Variants in TRAF3IP1 observed in about 807,000 individuals in gnomAD.
The protein encoded by TRAF3IP1 is TRAF3-interacting protein 1.
A neutral mutation model predicts 89.9 loss-of-function variants in TRAF3IP1; 53 were observed. The observed-to-expected ratio is 0.59, with a 90% confidence interval of 0.47 to 0.74. The LOEUF (loss-of-function observed/expected upper bound fraction) is 0.74, where lower values mean the gene tolerates loss of function less well. TRAF3IP1 is among the 30% of genes least tolerant of loss of function. The pLI is 0.00. For synonymous variants in TRAF3IP1, 311 were observed against 322.1 expected (o/e 0.97, Z 0.37); for missense variants, 806 against 866.1 (o/e 0.93, Z 0.87).
intron 3 of TRAF3IP1, among the ~76,000 whole-genome samples, chr2:238,327,660 C>G (rs6714098): frequency 0.12 from 17,731 of 152,076 alleles, 1,753 homozygotes; most frequent in African/African-American, 0.27. Context: ...ATTCATTCAT[C>G]TGCAGCCATC....
chr2:238,365,587 G>A (rs553096012), intron 15 of TRAF3IP1, among the ~76,000 whole-genome samples: 7 of 152,258 alleles, frequency 4.6e-5, no homozygotes, highest in African/African-American at 1.7e-4. Context: ...GAGCCCACAA[G>A]TTTGAGGCCG....
chr2:238,377,622 A>G (rs770726825), intron 15 of TRAF3IP1, among the ~76,000 whole-genome samples: 11 of 151,916 alleles, frequency 7.2e-5, no homozygotes, highest in Non-Finnish European at 1.6e-4. Flanking sequence ...GCTAATTAGT[A>G]TTTTTCCATT....
In TRAF3IP1 at chr2:238,400,424, T is replaced by C. The variant is rs755273920; in HGVS notation, c.*1505T>C. ...TTGTTTCTTTAAGGATTAGCACAAA[T>C]GGCACCGTTGGGTTTTTCTTCATAC... On this transcript the variant is annotated 3_prime_UTR_variant, in exon 17 of 17. Transcript: ENST00000373327. 1 of 152,196 alleles carries C rather than the reference T, an allele frequency of 6.6e-6. No homozygotes were observed. Among genetic ancestry groups the C allele is most frequent in the South Asian group, 2.1e-4 (1 of 4,830 alleles). 9.4% of individuals were successfully genotyped at this position (152,196 alleles called of 1,614,324 possible).
intron 1 of TRAF3IP1, among the ~76,000 whole-genome samples, chr2:238,324,216 C>CA (rs1697699024): frequency 1.3e-5 from 2 of 152,078 alleles, no homozygotes; most frequent in Admixed American, 1.3e-4. Flanking sequence ...TACAGACGCC[C>CA]ACCACCATGC....
intron 3 of TRAF3IP1, 56 bp downstream of exon 3, chr2:238,326,026 C>A: frequency 6.4e-7 from 1 of 1,554,988 alleles, no homozygotes. Flanking sequence ...AAAAAGTAGT[C>A]GGGGGTGAGG....
At chr2:238,325,192 C>A in intron 1 of TRAF3IP1, 114 bp from the exon 2 acceptor site, 1 of 1,035,782 alleles carries the variant, frequency 9.7e-7, no homozygotes, top group South Asian at 1.3e-5. Flanking sequence ...GTGGATGATT[C>A]AAATCTGGGC....
At chr2:238,367,553 G>A (rs1699935200) in intron 15 of TRAF3IP1, among the ~76,000 whole-genome samples, 1 of 152,224 alleles carries the variant, frequency 6.6e-6, no homozygotes, top group African/African-American at 2.4e-5. Flanking sequence ...TTAGCATGTG[G>A]TGGTGGCTGT....
At chr2:238,382,927 T>G (rs560472316) in intron 15 of TRAF3IP1, among the ~76,000 whole-genome samples, 2 of 152,312 alleles carry the variant, frequency 1.3e-5, no homozygotes, top group East Asian at 3.9e-4. Context: ...ATTAAAACTT[T>G]GATCTCATTA....
chr2:238,325,794 A>G lies in TRAF3IP1; in HGVS notation c.193-15A>G. 1 of 1,606,988 alleles carries G rather than the reference A, an allele frequency of 6.2e-7. No homozygotes were observed. The highest frequency in any genetic ancestry group is 8.5e-7 in the Non-Finnish European group (1 of 1,176,062). ...AAGTATTGTAATATTTGTATTTTCA[A>G]TGGAAATGTTTCAGGATAAAGATGC... On this transcript the variant is annotated splice_polypyrimidine_tract_variant and intron_variant, in intron 2 of 16. Transcript: ENST00000373327.
chr2:238,377,129 T>G (rs1467762332), intron 15 of TRAF3IP1, among the ~76,000 whole-genome samples: 1 of 152,166 alleles, frequency 6.6e-6, no homozygotes, highest in Non-Finnish European at 1.5e-5. Context: ...CTTAGGCATT[T>G]AATTCCCTCT....
intron 15 of TRAF3IP1, among the ~76,000 whole-genome samples, chr2:238,375,512 T>C (rs1171024532): frequency 2.6e-5 from 4 of 152,218 alleles, no homozygotes; most frequent in African/African-American, 4.8e-5. Flanking sequence ...TCGTGATTTC[T>C]GTTCTTTTAC....
At chr2:238,352,672 A>G (rs979821248) in intron 12 of TRAF3IP1, among the ~76,000 whole-genome samples, 155 bp from the exon 13 acceptor site, 2 of 152,200 alleles carry the variant, frequency 1.3e-5, no homozygotes, top group Non-Finnish European at 2.9e-5. Context: ...GTTTGCAGAC[A>G]GTCCATCTTA....
At chr2:238,397,288 C>A in intron 15 of TRAF3IP1, 171 bp from the exon 16 acceptor site, 1 of 602,542 alleles carries the variant, frequency 1.7e-6, no homozygotes, top group Non-Finnish European at 2.9e-6. Flanking sequence ...CAGAGTTACT[C>A]TGTTAGGCAG....
intron 15 of TRAF3IP1, among the ~76,000 whole-genome samples, chr2:238,381,104 T>C (rs1700527748): frequency 6.9e-6 from 1 of 145,402 alleles, no homozygotes; most frequent in African/African-American, 2.4e-5. Flanking sequence ...TTGGGTAGGA[T>C]GCTTGGGTTT....
intron 15 of TRAF3IP1, among the ~76,000 whole-genome samples, chr2:238,380,406 C>T (rs755757828): frequency 6.6e-6 from 1 of 152,186 alleles, no homozygotes; most frequent in Non-Finnish European, 1.5e-5. Context: ...AAGGTCCTCT[C>T]CCCCGGGTCC....
rs1231557300 is a variant in TRAF3IP1 at position 238,379,135 on chromosome 2, C to T, written c.1690-18324C>T. Reference sequence around the variant, plus strand: ...TCACTCTTTGGTCGTCTGTGTGTCACTGGGGGCCTGTTTTCTTGCAGTCCA... The same window carrying T: ...TCACTCTTTGGTCGTCTGTGTGTCATTGGGGGCCTGTTTTCTTGCAGTCCA... On this transcript the variant is annotated intron_variant, in intron 15 of 16. Transcript: ENST00000373327. This position sits in a 1 kb window ranked among gnomAD's most constrained non-coding sequence, Gnocchi z 4.0. Among the ~76,000 whole-genome samples, 1 of 152,204 alleles carries T rather than the reference C, an allele frequency of 6.6e-6. No individual in the cohort carries two copies. The highest frequency in any genetic ancestry group is 1.5e-5 in the Non-Finnish European group (1 of 68,048).
At chr2:238,344,679 C>T (rs1415450987) in intron 9 of TRAF3IP1, 81 bp downstream of exon 9, 4 of 1,242,844 alleles carry the variant, frequency 3.2e-6, no homozygotes, top group Non-Finnish European at 3.5e-6. Context: ...GGCCGCAGCC[C>T]AGAGCCCGAG....
rs756697415 is a variant in TRAF3IP1, at chr2:238,326,014, G to A, written c.354+44G>A. 23 of 1,575,652 alleles carry A rather than the reference G, an allele frequency of 1.5e-5. No homozygotes were observed. In the East Asian group the frequency reaches 5.2e-4, roughly 35 times the overall value. The stretch of plus-strand genomic sequence containing the variant: ...CATTTTGAACTTACTTAGTACTTGA[G>A]TAAAAAGTAGTCGGGGGTGAGGGAC... On this transcript the variant is annotated intron_variant, in intron 3 of 16. Transcript: ENST00000373327.
rs964910880 is a variant in TRAF3IP1, at chr2:238,351,866, T to TGCGCGC, written c.1452-953_1452-948dup. Among the ~76,000 whole-genome samples, 16 of 128,182 alleles carry TGCGCGC rather than the reference T, an allele frequency of 1.2e-4. No homozygotes were observed. Among genetic ancestry groups the TGCGCGC allele is most frequent in the South Asian group, 2.5e-4 (1 of 3,982 alleles). 84.1% of individuals were successfully genotyped at this position (128,182 alleles called of 152,430 possible). On this transcript the variant is annotated intron_variant, in intron 12 of 16. Transcript: ENST00000373327. This position sits in a 1 kb window ranked among gnomAD's most constrained non-coding sequence, Gnocchi z 5.2. ...GTGTGTGTGTGTGTGTGTGTGTGTG[T>TGCGCGC]GCGCGCGCGCGCGTGTGCGTGCATG...
Sources: allele counts gnomAD v4.1 joint callset (sites outside exome capture counted in the v4.1 genomes callset), GRCh38; gene constraint gnomAD v4.1.1; non-coding constraint Gnocchi (gnomAD v3.1); transcripts MANE v1.5; gene names NCBI Gene and HGNC (gene_info 2026-07-23, HGNC 2026-07-21).